Variants in CCDC91 observed in about 807,000 individuals in gnomAD.
CCDC91 encodes the protein coiled-coil domain containing 91.
A neutral mutation model predicts 63.2 loss-of-function variants in CCDC91; 48 were observed. That is an observed-to-expected ratio of 0.76 (90% confidence interval 0.60 to 0.97). CCDC91 has a LOEUF of 0.97. Among genes scored for constraint, CCDC91 ranks in the 50% least tolerant of loss-of-function variants. The pLI, the probability that CCDC91 is intolerant of heterozygous loss-of-function variation, is 0.00. For missense variants in CCDC91, 500 were observed against 494.6 expected (o/e 1.01, Z -0.10); for synonymous variants, 167 against 165.8 (o/e 1.01, Z -0.06).
intron 8 of CCDC91, among the ~76,000 whole-genome samples, chr12:28,420,871 TG>T (rs1489778687): frequency 2.6e-5 from 4 of 152,024 alleles, no homozygotes; most frequent in Non-Finnish European, 5.9e-5. Flanking sequence ...AATTCACAAA[TG>T]TTTTTTGAGT....
chr12:28,488,019 C>T (rs1051807827), intron 12 of CCDC91, among the ~76,000 whole-genome samples: 5 of 151,608 alleles, frequency 3.3e-5, no homozygotes, highest in African/African-American at 1.2e-4. Flanking sequence ...CAATATAAAA[C>T]ACAATGGATT....
At chr12:28,260,463 T>A (rs538944103) in intron 3 of CCDC91, among the ~76,000 whole-genome samples, 13 of 152,164 alleles carry the variant, frequency 8.5e-5, no homozygotes, top group Admixed American at 7.2e-4. Flanking sequence ...TTGAGGGCTG[T>A]GTGTTATTTC....
chr12:28,294,590 CT>C (rs548153843), intron 3 of CCDC91, among the ~76,000 whole-genome samples: 25 of 146,876 alleles, frequency 1.7e-4, no homozygotes, highest in Admixed American at 2.0e-4. Flanking sequence ...CCTGCTTCCT[CT>C]TTTTTTTTTT....
intron 8 of CCDC91, among the ~76,000 whole-genome samples, chr12:28,434,052 C>T (rs1948769616): frequency 6.6e-6 from 1 of 151,800 alleles, no homozygotes; most frequent in Non-Finnish European, 1.5e-5. Flanking sequence ...TTGCGCTGTG[C>T]ACCCTTACTA....
chr12:28,350,685 C>T (rs547245111), intron 6 of CCDC91, among the ~76,000 whole-genome samples: 1 of 152,266 alleles, frequency 6.6e-6, no homozygotes, highest in Admixed American at 6.5e-5. Context: ...AATGTGTCAG[C>T]AGGGCCACAC....
chr12:28,458,397 T>C (rs1425054691), intron 11 of CCDC91, among the ~76,000 whole-genome samples: 1 of 150,522 alleles, frequency 6.6e-6, no homozygotes, highest in Non-Finnish European at 1.5e-5. Flanking sequence ...TGCCAAGTTT[T>C]TCAGTCCAGA....
At chr12:28,368,952 C>A (rs967842781) in intron 7 of CCDC91, among the ~76,000 whole-genome samples, 1 of 152,078 alleles carries the variant, frequency 6.6e-6, no homozygotes, top group Admixed American at 6.6e-5. Flanking sequence ...ATCCAGTCAC[C>A]TCCCACCAAG....
intron 7 of CCDC91, among the ~76,000 whole-genome samples, chr12:28,375,480 G>C (rs747454172): frequency 2.0e-5 from 3 of 151,824 alleles, no homozygotes; most frequent in Non-Finnish European, 4.4e-5. Flanking sequence ...GCATTCTTTC[G>C]TTAACTTTGA....
intron 8 of CCDC91, among the ~76,000 whole-genome samples, chr12:28,435,358 T>G (rs976431267): frequency 6.6e-5 from 10 of 151,794 alleles, no homozygotes; most frequent in African/African-American, 2.4e-4. Context: ...GACATGTTTT[T>G]TATCCCATGA....
At chr12:28,503,949 G>T (rs149677202) in intron 12 of CCDC91, among the ~76,000 whole-genome samples, 4 of 151,898 alleles carry the variant, frequency 2.6e-5, no homozygotes, top group Non-Finnish European at 4.4e-5. Flanking sequence ...GTGGGGGAAG[G>T]GGGGAGGGAT....
intron 6 of CCDC91, among the ~76,000 whole-genome samples, chr12:28,356,862 A>G (rs1421504069): frequency 6.6e-6 from 1 of 152,204 alleles, no homozygotes; most frequent in Non-Finnish European, 1.5e-5. Flanking sequence ...GCTTTCTGAT[A>G]GATGGAATAT....
chr12:28,224,492 TGTTTGTGATTC>T (rs1176818908), intron 1 of CCDC91, among the ~76,000 whole-genome samples: 2 of 152,192 alleles, frequency 1.3e-5, no homozygotes, highest in African/African-American at 4.8e-5. Context: ...GTTTGTGACT[TGTTTGTGATTC>T]CAGCTTTTTC....
intron 8 of CCDC91, among the ~76,000 whole-genome samples, chr12:28,416,246 G>A (rs1199749706): frequency 6.6e-6 from 1 of 152,052 alleles, no homozygotes; most frequent in Non-Finnish European, 1.5e-5. Flanking sequence ...TGTTGTTGCT[G>A]CACTAGCTTA....
chr12:28,410,965 A>G (rs1321625890), intron 8 of CCDC91, among the ~76,000 whole-genome samples: 1 of 151,982 alleles, frequency 6.6e-6, no homozygotes, highest in Non-Finnish European at 1.5e-5. Flanking sequence ...TAAATTGGAT[A>G]TTTTAATGGT....
intron 12 of CCDC91, among the ~76,000 whole-genome samples, chr12:28,510,155 A>G (rs1484815870): frequency 1.3e-5 from 2 of 151,890 alleles, no homozygotes; most frequent in Middle Eastern, 3.2e-3. Flanking sequence ...TTCTTACCTA[A>G]CATGAAATTA....
intron 6 of CCDC91, among the ~76,000 whole-genome samples, chr12:28,325,018 G>A (rs1940855275): frequency 6.6e-6 from 1 of 151,918 alleles, no homozygotes; most frequent in Non-Finnish European, 1.5e-5. Context: ...GGCAGAATGT[G>A]CTATTTGTCA....
At chr12:28,512,925 T>G (rs73087937) in intron 12 of CCDC91, among the ~76,000 whole-genome samples, 1,644 of 152,036 alleles carry the variant, frequency 0.011, 6 homozygotes, top group Middle Eastern at 0.017. Flanking sequence ...TTATATTATA[T>G]GGCCTTTCCT....
chr12:28,211,717 A>C (rs1211701660), intron 1 of CCDC91, among the ~76,000 whole-genome samples: 2 of 151,810 alleles, frequency 1.3e-5, no homozygotes, highest in East Asian at 3.9e-4. Flanking sequence ...TTTTACCTAA[A>C]ATGTTGGCTT....
At chr12:28,284,607 C>T (rs1402354443) in intron 3 of CCDC91, among the ~76,000 whole-genome samples, 4 of 151,298 alleles carry the variant, frequency 2.6e-5, no homozygotes, top group South Asian at 2.1e-4. Flanking sequence ...GAGCCGAGAT[C>T]GCGCCATTGC....
Sources: allele counts gnomAD v4.1 joint callset (sites outside exome capture counted in the v4.1 genomes callset), GRCh38; gene constraint gnomAD v4.1.1; transcripts MANE v1.5; gene names NCBI Gene and HGNC (gene_info 2026-07-23, HGNC 2026-07-21).